Variants in ODAD1 observed in about 807,000 individuals in gnomAD.
ODAD1 encodes the protein outer dynein arm-docking complex subunit 1.
In ODAD1, 49 loss-of-function variants were observed where a neutral mutation model predicts 67.2. That is an observed-to-expected ratio of 0.73 (90% CI 0.58 to 0.92). The LOEUF is 0.92. Among genes scored for constraint, ODAD1 ranks in the 40% least tolerant of loss-of-function variants. ODAD1 has a pLI of 0.00. For missense variants in ODAD1, 897 were observed against 953.7 expected (o/e 0.94, Z 0.78); for synonymous variants, 345 against 393.7 (o/e 0.88, Z 1.46).
At chr19:48,313,068 AATAG>A (rs1968806914) in intron 5 of ODAD1, among the ~76,000 whole-genome samples, 1 of 152,142 alleles carries the variant, frequency 6.6e-6, no homozygotes, top group Admixed American at 6.6e-5. Context: ...ATGCAGACTA[AATAG>A]ATAAATGAAT....
chr19:48,313,520 C>A (rs974296315), intron 5 of ODAD1, among the ~76,000 whole-genome samples: 3 of 150,810 alleles, frequency 2.0e-5, no homozygotes, highest in Non-Finnish European at 4.4e-5. Context: ...GAGACAGAGT[C>A]TTCATAGAAG....
intron 5 of ODAD1, among the ~76,000 whole-genome samples, chr19:48,314,942 C>T (rs1476193083): frequency 2.0e-5 from 3 of 151,050 alleles, no homozygotes; most frequent in Non-Finnish European, 4.4e-5. Flanking sequence ...CGAGACTCCA[C>T]CTCAAAAAAG....
chr19:48,302,900 C>A, intron 11 of ODAD1, 38 bp from the exon 12 acceptor site: 3 of 1,612,598 alleles, frequency 1.9e-6, no homozygotes, highest in Non-Finnish European at 2.5e-6. Context: ...CAGATGGCAG[C>A]CTCGGGAGTT....
chr19:48,298,152 G>T, intron 13 of ODAD1, 25 bp downstream of exon 13: 3 of 1,612,110 alleles, frequency 1.9e-6, no homozygotes, highest in Non-Finnish European at 1.7e-6. Flanking sequence ...CCGGCCTCCT[G>T]TCCCGGCTCC....
intron 5 of ODAD1, among the ~76,000 whole-genome samples, chr19:48,315,093 T>A (rs2147332240): frequency 6.6e-6 from 1 of 152,192 alleles, no homozygotes; most frequent in Non-Finnish European, 1.5e-5. Context: ...TTCTTTTTTT[T>A]AGAGACAGGG....
chr19:48,307,746 C>T (rs896399147), intron 7 of ODAD1, among the ~76,000 whole-genome samples: 2 of 148,908 alleles, frequency 1.3e-5, no homozygotes, highest in African/African-American at 5.0e-5. Context: ...ACCTGGGAGG[C>T]GGAGCTTGCA....
chr19:48,314,072 A>C (rs971252937), intron 5 of ODAD1, among the ~76,000 whole-genome samples: 2 of 152,046 alleles, frequency 1.3e-5, no homozygotes, highest in African/African-American at 4.8e-5. Context: ...GCGAAACCCC[A>C]TCTCTACTAA....
chr19:48,309,536 T>C (rs987320219), intron 7 of ODAD1, among the ~76,000 whole-genome samples: 6 of 152,200 alleles, frequency 3.9e-5, no homozygotes, highest in Non-Finnish European at 8.8e-5. Flanking sequence ...TCCTCTGAGC[T>C]GTCCTAACAC....
At chr19:48,311,940 G>A in intron 6 of ODAD1, 54 bp downstream of exon 6, 1 of 1,522,268 alleles carries the variant, frequency 6.6e-7, no homozygotes, top group Non-Finnish European at 8.9e-7. Flanking sequence ...ACCATGCCCA[G>A]TTCTTCCCAT....
At chr19:48,300,003 C>T (rs1387449873) in intron 12 of ODAD1, among the ~76,000 whole-genome samples, 1 of 151,038 alleles carries the variant, frequency 6.6e-6, no homozygotes. Context: ...TAGTAAAATC[C>T]TATCTCTAAA....
At chr19:48,300,678 A>G (rs1320367467) in intron 12 of ODAD1, among the ~76,000 whole-genome samples, 2 of 152,156 alleles carry the variant, frequency 1.3e-5, no homozygotes, top group African/African-American at 4.8e-5. Context: ...TAGCAAGACA[A>G]ACCCAATTTT....
Position 48,297,358 on chromosome 19 carries a change from G to A in ODAD1, c.1742C>T (p.Ser581Phe). Reference protein sequence around the residue: ...PTRHPHAIPGSILSHKTSRDR... With the variant: ...PTRHPHAIPGFILSHKTSRDR... ...TCTGCTAGTCTTGTGGCTCAAAATGGACCCGGGGATGGCATGGGGGTGCCT... is the reference window on the plus strand; with the variant it reads ...TCTGCTAGTCTTGTGGCTCAAAATGAACCCGGGGATGGCATGGGGGTGCCT... The change falls in exon 16 of 16, where the codon TCC becomes TTC. Residue 581 changes from serine (S) to phenylalanine (F), a missense_variant. By Grantham distance (155) the Ser-to-Phe change is radical (BLOSUM62 -2). Coordinates refer to ENST00000674294, the MANE Select transcript of ODAD1 (RefSeq NM_001364171.2). The A allele has an allele frequency of 6.2e-7, 1 of 1,610,730 alleles. No homozygotes were observed. The highest frequency in any genetic ancestry group is 8.5e-7 in the Non-Finnish European group (1 of 1,179,974).
At chr19:48,300,459 C>G (rs1336922340) in intron 12 of ODAD1, among the ~76,000 whole-genome samples, 3 of 152,064 alleles carry the variant, frequency 2.0e-5, no homozygotes, top group South Asian at 2.1e-4. Flanking sequence ...AGCATAATGC[C>G]TTTGTAACCT....
At chr19:48,302,913 G>C in intron 11 of ODAD1, 51 bp from the exon 12 acceptor site, 1 of 1,612,598 alleles carries the variant, frequency 6.2e-7, no homozygotes, top group South Asian at 1.1e-5. Flanking sequence ...CGGGAGTTGG[G>C]GGTGTGGAGC....
intron 8 of ODAD1, 130 bp downstream of exon 8, chr19:48,306,126 G>C (rs1011992336): frequency 3.6e-5 from 48 of 1,350,624 alleles, no homozygotes; most frequent in Non-Finnish European, 4.5e-5. Flanking sequence ...AGAGAAAAAG[G>C]GGATATTATG....
chr19:48,319,580 C>T (rs760636371), intron 3 of ODAD1: 7 of 239,966 alleles, frequency 2.9e-5, no homozygotes, highest in Non-Finnish European at 4.0e-5. Context: ...CAGGCTCTAG[C>T]GCAGTGGCAC....
chr19:48,319,407 G>A, intron 3 of ODAD1: 1 of 985,592 alleles, frequency 1.0e-6, no homozygotes, highest in Non-Finnish European at 1.2e-6. Flanking sequence ...TGGGATCCCA[G>A]ACCCCAAGTG....
chr19:48,313,976 C>T (rs186870410), intron 5 of ODAD1, among the ~76,000 whole-genome samples: 13 of 152,304 alleles, frequency 8.5e-5, no homozygotes, highest in African/African-American at 3.1e-4. Context: ...GGTGTGGTGG[C>T]TCACGCCTGT....
intron 7 of ODAD1, among the ~76,000 whole-genome samples, chr19:48,309,335 C>G (rs1362130639): frequency 6.6e-6 from 1 of 152,174 alleles, no homozygotes; most frequent in Non-Finnish European, 1.5e-5. Context: ...TGGGGACTTG[C>G]AACGTCTCCT....
Sources: gnomAD v4.1 joint callset for allele counts (sites outside exome capture counted in the v4.1 genomes callset) on GRCh38, gnomAD v4.1.1 for gene constraint, MANE v1.5 for transcripts, NCBI Gene and HGNC (gene_info 2026-07-23, HGNC 2026-07-21) for gene names.